ITPR1: variants seen among roughly 807,000 people sequenced by gnomAD.
ITPR1 encodes the protein inositol 1,4,5-trisphosphate-gated calcium channel ITPR1.
A neutral mutation model predicts 318.4 loss-of-function variants in ITPR1; 96 were observed. That is an observed-to-expected ratio of 0.30 (90% CI 0.26 to 0.36). The LOEUF (loss-of-function observed/expected upper bound fraction) is 0.36. Ranked by LOEUF, ITPR1 falls within the 10% of genes least tolerant of loss-of-function variation. The pLI is 1.00. For synonymous variants in ITPR1, 1,312 were observed against 1,289.9 expected, an observed-to-expected ratio of 1.02 and a Z score of -0.37; for missense variants, 2,440 against 3,460.2, an observed-to-expected ratio of 0.71 and a Z score of 7.40.
intron 2 of ITPR1, among the ~76,000 whole-genome samples, chr3:4,511,374 G>A (rs1380571592): frequency 1.3e-5 from 2 of 152,102 alleles, no homozygotes; most frequent in African/African-American, 4.8e-5. Flanking sequence ...GCCAGAGGGT[G>A]GTGTCAGGCT....
At chr3:4,593,873 CT>C (rs1162040510) in intron 4 of ITPR1, among the ~76,000 whole-genome samples, 2 of 152,150 alleles carry the variant, frequency 1.3e-5, no homozygotes, top group Admixed American at 6.6e-5. Context: ...GAGCTCAGGC[CT>C]TTATTCTTGG....
Position 4,847,162 on chromosome 3 carries a change from C to CA in ITPR1, c.*938dup. Reference sequence around the variant, plus strand: ...TTTCTTCATCTGAACCAACATGCTACAGTAGCTAAGAAGTATTAAAACTAT... The same window carrying CA: ...TTTCTTCATCTGAACCAACATGCTACAAGTAGCTAAGAAGTATTAAAACTAT... On this transcript the variant is annotated 3_prime_UTR_variant, in exon 62 of 62. Coordinates refer to ENST00000649015, the MANE Select transcript of ITPR1 (RefSeq NM_001378452.1). The CA allele has an allele frequency of 6.6e-6, 1 of 152,612 alleles. No homozygotes were observed. Among genetic ancestry groups the CA allele is most frequent in the East Asian group, 1.9e-4 (1 of 5,188 alleles). 9.5% of individuals were successfully genotyped at this position (152,612 alleles called of 1,614,324 possible).
At chr3:4,595,897 G>T (rs368117700) in intron 4 of ITPR1, among the ~76,000 whole-genome samples, 2 of 152,202 alleles carry the variant, frequency 1.3e-5, no homozygotes, top group African/African-American at 4.8e-5. Context: ...CTCTCATGTC[G>T]TAGATGAAGA....
At chr3:4,501,526 G>C (rs886422777) in intron 2 of ITPR1, among the ~76,000 whole-genome samples, 2 of 152,244 alleles carry the variant, frequency 1.3e-5, no homozygotes, top group East Asian at 3.8e-4. Flanking sequence ...ATATGCATTG[G>C]AGGATGCCTG....
intron 2 of ITPR1, among the ~76,000 whole-genome samples, chr3:4,512,849 G>A (rs566897091): frequency 7.5e-4 from 114 of 152,050 alleles, no homozygotes; most frequent in African/African-American, 2.6e-3. Context: ...CAAGCTAGAT[G>A]ATAATAATAA....
At chr3:4,534,906 C>G (rs935750161) in intron 4 of ITPR1, among the ~76,000 whole-genome samples, 1 of 152,178 alleles carries the variant, frequency 6.6e-6, no homozygotes, top group African/African-American at 2.4e-5. Context: ...AAGTGAAGGA[C>G]TATCACTTGA....
intron 4 of ITPR1, among the ~76,000 whole-genome samples, chr3:4,567,826 A>G (rs147767762): frequency 0.022 from 3,418 of 152,232 alleles, 126 homozygotes; most frequent in African/African-American, 0.077. Context: ...CTAGTCGTGA[A>G]TTCCTGAGCT....
At position 4,710,350 on chromosome 3, in the gene ITPR1, G is replaced by A. The variant is rs561526280; in HGVS notation, c.4868G>A (p.Arg1623His). 3.8e-6 allele frequency: 6 copies of A among 1,568,822 alleles called. No individual in the cohort carries two copies. The highest frequency in any genetic ancestry group is 1.9e-5 in the Admixed American group (1 of 53,876). Residue 1623 changes from arginine (R) to histidine (H), a missense_variant, in exon 38 of 62, where the codon CGT (arginine) becomes CAT (histidine). Coordinates refer to ENST00000649015, the MANE Select transcript of ITPR1 (RefSeq NM_001378452.1). The surrounding 1 kb of genome is among the most constrained non-coding windows in gnomAD (Gnocchi z 4.2). ...GACATCGTCTCCGCGCTGGAGGACC[G>A]TCTCAGGCCCCTGGTGCAGGCAGAG... ...LQDIVSALED[R>H]LRPLVQAELS...
At chr3:4,596,149 C>A (rs896724208) in intron 4 of ITPR1, 1 of 152,124 alleles carries the variant, frequency 6.6e-6, no homozygotes, top group African/African-American at 2.4e-5. Context: ...TGCATTTCAC[C>A]GAGCTTAAGT....
intron 51 of ITPR1, among the ~76,000 whole-genome samples, chr3:4,784,468 A>C (rs1241471201): frequency 2.6e-5 from 4 of 152,064 alleles, no homozygotes; most frequent in African/African-American, 4.8e-5. Flanking sequence ...GGTCCTATCA[A>C]CCATCCTTAT....
chr3:4,836,731 C>CA lies in ITPR1; in HGVS notation c.8029-42dup, dbSNP rs2050947447. 18 of 1,297,326 alleles carry CA rather than the reference C, an allele frequency of 1.4e-5. 1 individual carries two copies. The East Asian group carries it at 1.4e-4, about 10-fold the overall frequency. 80.4% of individuals were successfully genotyped at this position (1,297,326 alleles called of 1,614,324 possible). ...CTTGTTTTTACCTCTAGAAGTGACT[C>CA]AGTCTTTTTTTTTTTTTTTTTTTTT... On this transcript the variant is annotated intron_variant, in intron 60 of 61. Transcript: ENST00000649015.
chr3:4,650,489 T>TA (rs2093568377), intron 10 of ITPR1, among the ~76,000 whole-genome samples: 1 of 152,254 alleles, frequency 6.6e-6, no homozygotes, highest in African/African-American at 2.4e-5. Context: ...TTCGATGGGT[T>TA]AAAAAAATGT....
In ITPR1 at chr3:4,500,025, A is replaced by G. The variant is rs115231963; in HGVS notation, c.-17+5519A>G. The stretch of plus-strand genomic sequence containing the variant: ...ACCTGAATCCATTAGTTCTCTCGTC[A>G]GTGAGAAATGGGCTGGTAAAGTTCC... On this transcript the variant is annotated intron_variant, in intron 2 of 61. Transcript: ENST00000649015. Among the ~76,000 whole-genome samples the G allele has an allele frequency of 4.5e-3, 683 of 152,330 alleles. 7 individuals carry two copies. The highest frequency in any genetic ancestry group is 0.014 in the African/African-American group (597 of 41,578).
intron 42 of ITPR1, among the ~76,000 whole-genome samples, chr3:4,729,257 G>A (rs577182682): frequency 1.3e-5 from 2 of 152,304 alleles, no homozygotes; most frequent in East Asian, 1.9e-4. Flanking sequence ...GCTGTAAAAT[G>A]GGGGTGACAA....
intron 46 of ITPR1, among the ~76,000 whole-genome samples, chr3:4,774,320 CA>C: frequency 6.6e-6 from 1 of 152,184 alleles, no homozygotes; most frequent in Admixed American, 6.5e-5. Flanking sequence ...CTGTCACAAG[CA>C]GTACTATAGT....
chr3:4,719,620 G>A (rs1461171546), intron 40 of ITPR1, among the ~76,000 whole-genome samples: 1 of 152,196 alleles, frequency 6.6e-6, no homozygotes, highest in Non-Finnish European at 1.5e-5. Flanking sequence ...GCCCACTGAG[G>A]AAGGGACGCC....
Position 4,815,037 on chromosome 3 carries a change from C to G in ITPR1, c.7702-16C>G. 1 of 1,600,820 alleles carries G rather than the reference C, an allele frequency of 6.2e-7. No individual in the cohort carries two copies. Among genetic ancestry groups the G allele is most frequent in the Non-Finnish European group, 8.5e-7 (1 of 1,172,262 alleles). The stretch of plus-strand genomic sequence containing the variant: ...CGCAAGGGACCCAGACTGATCCAGA[C>G]ACCTCTCTTTTCCAGGAACCCCTGT... On this transcript the variant is annotated splice_polypyrimidine_tract_variant and intron_variant, in intron 58 of 61. Transcript: ENST00000649015.
rs569530438 is a variant in ITPR1 at position 4,564,286 on chromosome 3, C to G, written c.163+43192C>G. Reference sequence around the variant, plus strand: ...GCATAGGAAGAAATCCGTTATGCCTCTTGCCTGGCTCCTGGTGGTTGGCGG... The same window carrying G: ...GCATAGGAAGAAATCCGTTATGCCTGTTGCCTGGCTCCTGGTGGTTGGCGG... On this transcript the variant is annotated intron_variant, in intron 4 of 61. Transcript: ENST00000649015. Among the ~76,000 whole-genome samples the G allele has an allele frequency of 2.6e-5, 4 of 152,294 alleles. No individual in the cohort carries two copies. In the East Asian group the frequency reaches 5.8e-4, roughly 22 times the overall value.
At chr3:4,552,187 C>T (rs1314976360) in intron 4 of ITPR1, among the ~76,000 whole-genome samples, 3 of 152,152 alleles carry the variant, frequency 2.0e-5, no homozygotes, top group East Asian at 1.9e-4. Context: ...GGAAATTCTC[C>T]CCATCACCAA....
Sources: gnomAD v4.1 joint callset for allele counts (sites outside exome capture counted in the v4.1 genomes callset) on GRCh38, gnomAD v4.1.1 for gene constraint, Gnocchi (gnomAD v3.1) non-coding constraint, MANE v1.5 for transcripts, NCBI Gene and HGNC (gene_info 2026-07-23, HGNC 2026-07-21) for gene names.